GFPT1: variants seen among roughly 807,000 people sequenced by gnomAD.
GFPT1 encodes glutamine--fructose-6-phosphate aminotransferase [isomerizing] 1.
In GFPT1, 40 loss-of-function variants were observed where a neutral mutation model predicts 92.0. The observed-to-expected ratio is 0.43, with a 90% CI of 0.34 to 0.57. The LOEUF (loss-of-function observed/expected upper bound fraction) is 0.57, where lower values mean the gene tolerates loss of function less well. GFPT1 is among the 20% of genes least tolerant of loss of function. The pLI is 0.02. For missense variants in GFPT1, 448 were observed against 869.1 expected, an observed-to-expected ratio of 0.52 and a Z score of 6.09; for synonymous variants, 269 against 280.6, an observed-to-expected ratio of 0.96 and a Z score of 0.41.
intron 1 of GFPT1, among the ~76,000 whole-genome samples, chr2:69,382,863 T>C (rs1400049976): frequency 6.6e-6 from 1 of 152,184 alleles, no homozygotes; most frequent in African/African-American, 2.4e-5. Flanking sequence ...AGTCTCTAAA[T>C]TTCTACTCAT....
intron 2 of GFPT1, among the ~76,000 whole-genome samples, chr2:69,372,899 G>A (rs1169649004): frequency 6.6e-6 from 1 of 152,176 alleles, no homozygotes; most frequent in Non-Finnish European, 1.5e-5. Flanking sequence ...TAGAAACTTG[G>A]TTTTTGGAAG....
intron 4 of GFPT1, among the ~76,000 whole-genome samples, 198 bp from the exon 5 acceptor site, chr2:69,359,524 C>T (rs1212750275): frequency 6.6e-6 from 1 of 152,092 alleles, no homozygotes; most frequent in African/African-American, 2.4e-5. Context: ...GTTTATGTGG[C>T]ATAGCTGAAG....
intron 13 of GFPT1, 147 bp downstream of exon 13, chr2:69,342,005 T>A: frequency 1.7e-6 from 1 of 581,526 alleles, no homozygotes; most frequent in Non-Finnish European, 3.0e-6. Context: ...CTGGTAAATT[T>A]CTCCCCTTAC....
At chr2:69,369,287 C>T (rs1671687559) in intron 3 of GFPT1, among the ~76,000 whole-genome samples, 2 of 151,994 alleles carry the variant, frequency 1.3e-5, no homozygotes, top group Middle Eastern at 6.8e-3. Flanking sequence ...TCTACCTGTA[C>T]TCTTTTACAA....
chr2:69,351,849 T>C (rs759244190), intron 9 of GFPT1, among the ~76,000 whole-genome samples: 35 of 152,166 alleles, frequency 2.3e-4, no homozygotes, highest in Non-Finnish European at 4.6e-4. Flanking sequence ...AGAGGGCAGG[T>C]TGAGGGACCT....
chr2:69,357,348 A>G (rs1454436792), intron 6 of GFPT1, among the ~76,000 whole-genome samples: 1 of 152,248 alleles, frequency 6.6e-6, no homozygotes, highest in African/African-American at 2.4e-5. Context: ...CATGCACACC[A>G]TACAACTCCA....
intron 19 of GFPT1, 116 bp downstream of exon 19, chr2:69,326,798 C>CA (rs1670542850): frequency 2.0e-6 from 2 of 980,914 alleles, no homozygotes; most frequent in South Asian, 2.7e-5. Context: ...TAACAGGTGA[C>CA]AGATATATAT....
chr2:69,333,373 G>A (rs1670718502), intron 15 of GFPT1, among the ~76,000 whole-genome samples: 1 of 152,132 alleles, frequency 6.6e-6, no homozygotes, highest in Non-Finnish European at 1.5e-5. Context: ...ATATTAAACG[G>A]AGCAACTTTA....
intron 1 of GFPT1, among the ~76,000 whole-genome samples, chr2:69,375,442 C>A (rs1057050451): frequency 6.6e-6 from 1 of 152,152 alleles, no homozygotes; most frequent in East Asian, 1.9e-4. Flanking sequence ...TGATACCCAA[C>A]AGGAAAGCCA....
At chr2:69,355,393 G>GT (rs397819110) in intron 7 of GFPT1, among the ~76,000 whole-genome samples, 2 of 119,836 alleles carry the variant, frequency 1.7e-5, no homozygotes, top group Non-Finnish European at 3.4e-5. Flanking sequence ...CAGGTTTTTG[G>GT]TTTTTTTTTA....
chr2:69,370,022 C>T lies in GFPT1; in HGVS notation c.202G>A (p.Ala68Thr), dbSNP rs1671706022. 6.3e-7 allele frequency: 1 copy of T among 1,591,550 alleles called. No homozygotes were observed. Among genetic ancestry groups the T allele is most frequent in the Non-Finnish European group, 8.6e-7 (1 of 1,159,470 alleles). Residue 68 changes from alanine to threonine, a missense_variant, in exon 3 of 20, where the codon GCA (alanine) becomes ACA (threonine). Transcript: ENST00000357308. ...QLIKKKGKVK[A>T]LDEEVHKQQD... ...TTACTGTGAACTTCTTCATCCAGTG[C>T]CTTAACTTTTCCTTTCTTCTTAATA...
chr2:69,340,764 G>A (rs1298443601), intron 13 of GFPT1, among the ~76,000 whole-genome samples: 7 of 152,146 alleles, frequency 4.6e-5, no homozygotes, highest in Non-Finnish European at 1.0e-4. Context: ...GTTTACTACA[G>A]TAGTCTTGGC....
chr2:69,339,884 T>G (rs1670896815), intron 13 of GFPT1, among the ~76,000 whole-genome samples: 1 of 152,074 alleles, frequency 6.6e-6, no homozygotes, highest in African/African-American at 2.4e-5. Flanking sequence ...TAATATATTT[T>G]ATTATACATA....
intron 1 of GFPT1, among the ~76,000 whole-genome samples, chr2:69,381,667 C>T (rs1215487636): frequency 6.6e-6 from 1 of 151,766 alleles, no homozygotes; most frequent in South Asian, 2.1e-4. Flanking sequence ...AATCCTCCCA[C>T]CTCAGTCTTC....
At chr2:69,347,480 C>CTTT (rs202193663) in intron 11 of GFPT1, among the ~76,000 whole-genome samples, 6 of 144,350 alleles carry the variant, frequency 4.2e-5, no homozygotes, top group East Asian at 2.0e-4. Flanking sequence ...TTTTAAGCTT[C>CTTT]TTTTTTTTTT....
chr2:69,331,717 C>T (rs771686021), intron 15 of GFPT1, among the ~76,000 whole-genome samples: 1 of 149,034 alleles, frequency 6.7e-6, no homozygotes, highest in African/African-American at 2.5e-5. Context: ...TAATATATTT[C>T]TGAATATAAT....
intron 1 of GFPT1, among the ~76,000 whole-genome samples, chr2:69,384,693 C>CAAAAAAAA (rs71964630): frequency 6.4e-4 from 68 of 106,480 alleles, no homozygotes; most frequent in Non-Finnish European, 9.1e-4. Flanking sequence ...GGCCCCGTCA[C>CAAAAAAAA]AAAAAAAAAA....
At chr2:69,376,326 T>C (rs941481510) in intron 1 of GFPT1, among the ~76,000 whole-genome samples, 4 of 152,110 alleles carry the variant, frequency 2.6e-5, no homozygotes, top group Non-Finnish European at 5.9e-5. Flanking sequence ...CTGGCCAACA[T>C]GGCGAAACCC....
intron 1 of GFPT1, among the ~76,000 whole-genome samples, chr2:69,380,582 T>A (rs1274700612): frequency 2.6e-5 from 4 of 152,232 alleles, no homozygotes; most frequent in Admixed American, 6.5e-5. Context: ...ACAGTCAACC[T>A]ATGTCATCAT....
Sources: allele counts gnomAD v4.1 joint callset (sites outside exome capture counted in the v4.1 genomes callset), GRCh38; gene constraint gnomAD v4.1.1; transcripts MANE v1.5; gene names NCBI Gene and HGNC (gene_info 2026-07-23, HGNC 2026-07-21).